ZNF277: variants seen among roughly 807,000 people sequenced by gnomAD.
ZNF277 encodes the protein zinc finger protein 277.
A neutral mutation model predicts 60.7 loss-of-function variants in ZNF277; 55 were observed. The ratio of observed to expected loss-of-function variants is 0.91; its 90% CI spans 0.73 to 1.13. The LOEUF (loss-of-function observed/expected upper bound fraction) is 1.13, where lower values mean the gene tolerates loss of function less well. Among genes scored for constraint, ZNF277 ranks in the 50% most tolerant of loss-of-function variants. ZNF277 has a pLI of 0.00. For synonymous variants in ZNF277, 178 were observed against 179.3 expected (o/e 0.99, Z 0.06); for missense variants, 510 against 523.0 (o/e 0.98, Z 0.24).
In ZNF277 at chr7:112,306,548, C is replaced by A. The variant is rs12113796; in HGVS notation, c.465+10237C>A. Among the ~76,000 whole-genome samples, 1,215 of 152,064 alleles carry A rather than the reference C, an allele frequency of 8.0e-3. 20 individuals are homozygous for A. Among genetic ancestry groups the A allele is most frequent in the African/African-American group, 0.028 (1,155 of 41,504 alleles). The stretch of plus-strand genomic sequence containing the variant: ...TGTTTTTATCCCTTTTCTAGAGAGG[C>A]TCTTTTATAATCCCAGCATGTCAGC... On this transcript the variant is annotated intron_variant, in intron 4 of 11. Coordinates refer to ENST00000361822, the MANE Select transcript of ZNF277 (RefSeq NM_021994.3).
intron 2 of ZNF277, chr7:112,287,952 A>G (rs1267774474): frequency 7.3e-6 from 1 of 136,178 alleles, no homozygotes; most frequent in Non-Finnish European, 1.5e-5. Context: ...AGTAGATAAT[A>G]CTCACTTTGC....
At chr7:112,275,242 A>G (rs1791766414) in intron 1 of ZNF277, among the ~76,000 whole-genome samples, 1 of 152,200 alleles carries the variant, frequency 6.6e-6, no homozygotes, top group Admixed American at 6.5e-5. Flanking sequence ...CTTAAAACAC[A>G]GTATACACCC....
At chr7:112,331,920 G>A (rs1183023350) in intron 7 of ZNF277, among the ~76,000 whole-genome samples, 1 of 152,178 alleles carries the variant, frequency 6.6e-6, no homozygotes, top group Non-Finnish European at 1.5e-5. Context: ...TTATATAGCT[G>A]GAGGTTTTCA....
At chr7:112,284,586 T>G (rs1312102677) in intron 1 of ZNF277, among the ~76,000 whole-genome samples, 1 of 152,186 alleles carries the variant, frequency 6.6e-6, no homozygotes, top group Non-Finnish European at 1.5e-5. Context: ...ATTACCTAAT[T>G]TAATAAATAT....
chr7:112,241,238 C>G (rs1223968176), intron 1 of ZNF277, among the ~76,000 whole-genome samples: 1 of 151,806 alleles, frequency 6.6e-6, no homozygotes, highest in Non-Finnish European at 1.5e-5. Flanking sequence ...CAAACAAATG[C>G]TGAACCAGGT....
At chr7:112,222,117 G>T (rs576326366) in intron 1 of ZNF277, among the ~76,000 whole-genome samples, 31 of 152,120 alleles carry the variant, frequency 2.0e-4, no homozygotes, top group Non-Finnish European at 4.0e-4. Context: ...TGAGTATTTT[G>T]TCTATCAGGG....
intron 5 of ZNF277, among the ~76,000 whole-genome samples, chr7:112,319,488 C>A (rs1259650451): frequency 6.6e-6 from 1 of 151,760 alleles, no homozygotes; most frequent in African/African-American, 2.4e-5. Context: ...TTCACTGATT[C>A]AGCATACAGG....
Position 112,296,309 on chromosome 7 carries a change from C to A in ZNF277, c.463C>A (p.Leu155Met). 1 of 1,554,294 alleles carries A rather than the reference C, an allele frequency of 6.4e-7. No individual in the cohort carries two copies. Among genetic ancestry groups the A allele is most frequent in the Admixed American group, 1.9e-5 (1 of 52,562 alleles). ...ILREELQKQR[L>M]REILEQQQQE... The stretch of plus-strand genomic sequence containing the variant: ...TAGAGAAGAGCTTCAGAAACAGAGA[C>A]TGGTAAGAATTGTTTTTAAAGGGTG... Residue 155 changes from leucine (L) to methionine (M), a missense_variant and splice_region_variant, in exon 4 of 12, where the codon CTG (leucine) becomes ATG (methionine). Transcript: ENST00000361822.
chr7:112,311,218 C>A (rs957178240), intron 4 of ZNF277, among the ~76,000 whole-genome samples: 1 of 151,936 alleles, frequency 6.6e-6, no homozygotes, highest in Non-Finnish European at 1.5e-5. Context: ...TTAATTTTTT[C>A]TCTGCTTTTA....
At chr7:112,298,452 T>C (rs191300581) in intron 4 of ZNF277, among the ~76,000 whole-genome samples, 6 of 152,236 alleles carry the variant, frequency 3.9e-5, no homozygotes, top group Admixed American at 2.0e-4. Flanking sequence ...CCGGCTTAGA[T>C]AGAAAAATTT....
At chr7:112,242,924 C>T (rs965433099) in intron 1 of ZNF277, among the ~76,000 whole-genome samples, 3 of 151,858 alleles carry the variant, frequency 2.0e-5, no homozygotes, top group Non-Finnish European at 2.9e-5. Context: ...AATTATAATG[C>T]AAGGCTACTA....
intron 1 of ZNF277, among the ~76,000 whole-genome samples, chr7:112,265,026 T>C (rs151194682): frequency 6.6e-6 from 1 of 152,278 alleles, no homozygotes; most frequent in Non-Finnish European, 1.5e-5. Flanking sequence ...GTTTGTGGCA[T>C]TTATTGACTT....
intron 7 of ZNF277, among the ~76,000 whole-genome samples, chr7:112,333,689 C>T (rs1793273621): frequency 1.3e-5 from 2 of 152,168 alleles, no homozygotes; most frequent in Admixed American, 6.5e-5. Context: ...TTCCATTTTC[C>T]TTCTTAGGTG....
chr7:112,297,752 T>C (rs1245989028), intron 4 of ZNF277, among the ~76,000 whole-genome samples: 1 of 152,212 alleles, frequency 6.6e-6, no homozygotes, highest in East Asian at 1.9e-4. Flanking sequence ...ATTCATAATT[T>C]CCAATTTACA....
intron 2 of ZNF277, among the ~76,000 whole-genome samples, chr7:112,291,636 A>G (rs188915826): frequency 1.3e-4 from 20 of 152,314 alleles, no homozygotes; most frequent in Admixed American, 3.3e-4. Context: ...AAAAAATGCC[A>G]CAAGAAGCAT....
At chr7:112,256,003 T>C (rs554720582) in intron 1 of ZNF277, among the ~76,000 whole-genome samples, 1 of 152,346 alleles carries the variant, frequency 6.6e-6, no homozygotes, top group South Asian at 2.1e-4. Context: ...AAATGCCATG[T>C]ATTATCATTG....
intron 1 of ZNF277, among the ~76,000 whole-genome samples, chr7:112,259,763 A>C (rs1791401153): frequency 6.6e-6 from 1 of 152,234 alleles, no homozygotes; most frequent in Non-Finnish European, 1.5e-5. Flanking sequence ...CAGCTCATAC[A>C]AACTGAGTAG....
chr7:112,319,401 G>A (rs755139172), intron 5 of ZNF277, among the ~76,000 whole-genome samples: 17 of 151,838 alleles, frequency 1.1e-4, no homozygotes, highest in Non-Finnish European at 1.9e-4. Flanking sequence ...TTATTATTAC[G>A]CATCAGCAAT....
At chr7:112,330,548 C>CTTCTTTTTTTTTT (rs1793204568) in intron 7 of ZNF277, 1 of 108,056 alleles carries the variant, frequency 9.3e-6, no homozygotes, top group African/African-American at 3.6e-5. Context: ...AGACTCCTTT[C>CTTCTTTTTTTTTT]TTTTTTTTTT....
Sources: gnomAD v4.1 joint callset for allele counts (sites outside exome capture counted in the v4.1 genomes callset) on GRCh38, gnomAD v4.1.1 for gene constraint, MANE v1.5 for transcripts, NCBI Gene and HGNC (gene_info 2026-07-23, HGNC 2026-07-21) for gene names.